ASPH: variants seen among roughly 807,000 people sequenced by gnomAD.
The protein encoded by ASPH is aspartyl/asparaginyl beta-hydroxylase.
ASPH carries 100 observed loss-of-function variants against 118.4 expected under a neutral mutation model. The ratio of observed to expected loss-of-function variants is 0.84; its 90% CI spans 0.72 to 1.00. ASPH has a LOEUF of 1.00. Among genes scored for constraint, ASPH ranks in the 50% least tolerant of loss-of-function variants. ASPH has a pLI of 0.00. For missense variants in ASPH, 920 were observed against 919.5 expected (o/e 1.00, Z -0.01); for synonymous variants, 315 against 325.6 (o/e 0.97, Z 0.35).
At chr8:61,664,817 G>T in intron 3 of ASPH, 1 of 988,464 alleles carries the variant, frequency 1.0e-6, no homozygotes. Flanking sequence ...AAACAGGGAA[G>T]CAGGAAGGGG....
rs1337382689 is a variant in ASPH at position 61,502,216 on chromosome 8, C to T, written c.*1143G>A. 1 of 152,134 alleles carries T rather than the reference C, an allele frequency of 6.6e-6. No individual in the cohort carries two copies. Among genetic ancestry groups the T allele is most frequent in the Admixed American group, 6.6e-5 (1 of 15,248 alleles). The allele number at this position is 152,134 out of a possible 1,614,324, so 9.4% of individuals were successfully genotyped here. A position where few individuals can be genotyped will look rare whatever the true frequency, so the allele number is the denominator to read the frequency against. On this transcript the variant is annotated 3_prime_UTR_variant, in exon 25 of 25. Coordinates refer to ENST00000379454, the MANE Select transcript of ASPH (RefSeq NM_004318.4). ...TTAAAATGGCAGAGATTTCTCAAGC[C>T]AGAGAGATGGGACAGTCTTCCAAAC... is the stretch of plus-strand genomic sequence containing the variant.
rs371692559 is a variant in ASPH at position 61,684,114 on chromosome 8, C to G, written c.178G>C (p.Val60Leu). ...GTCCAGACGCCCAGCAATGCAATCACCATAAACCACGTGAAGAATGAAGTT... is the reference window on the plus strand; with the variant it reads ...GTCCAGACGCCCAGCAATGCAATCAGCATAAACCACGTGAAGAATGAAGTT... ...SGTSFFTWFM[V>L]IALLGVWTSV... The change falls in exon 2 of 25, where the codon GTG becomes CTG. Residue 60 changes from valine (V) to leucine (L), a missense_variant. By Grantham distance (32) the Val-to-Leu change is conservative. Transcript: ENST00000379454. 1 of 1,613,752 alleles carries G rather than the reference C, an allele frequency of 6.2e-7. No homozygotes were observed.
intron 4 of ASPH, chr8:61,651,581 G>C (rs1332516744): frequency 6.5e-6 from 1 of 154,130 alleles, no homozygotes; most frequent in East Asian, 1.9e-4. Flanking sequence ...TTCCCTGAGA[G>C]GAGAAAGGGC....
Position 61,539,699 on chromosome 8 carries a change from G to GGGGTGTGTGTGTGTGTGTGTGTGTGT in ASPH, c.1764+8371_1764+8372insACACACACACACACACACACACACCC, listed in dbSNP as rs1554618405. Reference sequence around the variant, plus strand: ...TGTGATGGTCACCTAACACTTCTGGGGTGTGTGTGTGTGTGTGTGTGTGTG... The same window carrying GGGGTGTGTGTGTGTGTGTGTGTGTGT: ...TGTGATGGTCACCTAACACTTCTGGGGGGTGTGTGTGTGTGTGTGTGTGTGTGTGTGTGTGTGTGTGTGTGTGTGTG... On this transcript the variant is annotated intron_variant, in intron 21 of 24. Transcript: ENST00000379454. Among the ~76,000 whole-genome samples, 84 of 124,292 alleles carry GGGGTGTGTGTGTGTGTGTGTGTGTGT rather than the reference G, an allele frequency of 6.8e-4. 1 individual carries two copies. Among genetic ancestry groups the GGGGTGTGTGTGTGTGTGTGTGTGTGT allele is most frequent in the East Asian group, 2.1e-3 (9 of 4,284 alleles). The allele number at this position is 124,292 out of a possible 152,430, so 81.5% of individuals were successfully genotyped here.
At chr8:61,690,372 G>A (rs1832268925) in intron 1 of ASPH, among the ~76,000 whole-genome samples, 1 of 152,142 alleles carries the variant, frequency 6.6e-6, no homozygotes, top group Admixed American at 6.5e-5. Flanking sequence ...AGGACTGGTG[G>A]GAAGGAAAGA....
At chr8:61,597,196 G>GAAAAA (rs34291472) in intron 14 of ASPH, among the ~76,000 whole-genome samples, 4 of 112,798 alleles carry the variant, frequency 3.5e-5, no homozygotes, top group Admixed American at 9.5e-5. Context: ...ATCCAGTCAG[G>GAAAAA]AAAAAAAAAA....
intron 20 of ASPH, among the ~76,000 whole-genome samples, chr8:61,548,667 A>G (rs1399129222): frequency 6.6e-6 from 1 of 152,190 alleles, no homozygotes; most frequent in Non-Finnish European, 1.5e-5. Flanking sequence ...TTTCACATGT[A>G]CTTTCCATGT....
intron 3 of ASPH, chr8:61,661,359 A>T (rs909521464): frequency 1.3e-5 from 2 of 152,234 alleles, no homozygotes; most frequent in Non-Finnish European, 2.9e-5. Context: ...CTGAATGCCC[A>T]ACCATGTGCT....
intron 14 of ASPH, among the ~76,000 whole-genome samples, chr8:61,588,346 A>T (rs1563931367): frequency 6.6e-6 from 1 of 152,248 alleles, no homozygotes; most frequent in Non-Finnish European, 1.5e-5. Flanking sequence ...GGATAGCTGA[A>T]GGCAGGAGGA....
chr8:61,653,020 A>G (rs1811842263), intron 4 of ASPH, among the ~76,000 whole-genome samples: 1 of 152,220 alleles, frequency 6.6e-6, no homozygotes, highest in African/African-American at 2.4e-5. Flanking sequence ...TAACTTATTA[A>G]AATATTTCAC....
chr8:61,674,926 C>T (rs1266830262), intron 3 of ASPH, among the ~76,000 whole-genome samples: 1 of 152,148 alleles, frequency 6.6e-6, no homozygotes, highest in African/African-American at 2.4e-5. Context: ...AGATTTAAAA[C>T]CACGGAACAT....
intron 1 of ASPH, among the ~76,000 whole-genome samples, chr8:61,704,304 C>T (rs970765236): frequency 5.5e-5 from 8 of 146,570 alleles, no homozygotes; most frequent in African/African-American, 1.5e-4. Flanking sequence ...AAAAGCAATC[C>T]AATAATGAAA....
chr8:61,530,029 A>AGAGAGG (rs1030459017), intron 21 of ASPH, among the ~76,000 whole-genome samples: 1 of 152,222 alleles, frequency 6.6e-6, no homozygotes, highest in Non-Finnish European at 1.5e-5. Context: ...TGTGTGCAGA[A>AGAGAGG]GAGAGGGAGA....
chr8:61,503,353 T>G lies in ASPH; in HGVS notation c.*6A>C. ...CCAGAGTTTCCCAAGCTTGCATGAA[T>G]TCATGCTAAATTGCTGGAAGGCTGC... On this transcript the variant is annotated 3_prime_UTR_variant, in exon 25 of 25. Transcript: ENST00000379454. The G allele has an allele frequency of 6.2e-7, 1 of 1,601,056 alleles. No individual in the cohort carries two copies. The highest frequency in any genetic ancestry group is 8.5e-7 in the Non-Finnish European group (1 of 1,171,908).
At chr8:61,639,220 T>C (rs143121945) in intron 10 of ASPH, among the ~76,000 whole-genome samples, 3 of 152,240 alleles carry the variant, frequency 2.0e-5, no homozygotes, top group Non-Finnish European at 4.4e-5. Context: ...AAAAATGCAA[T>C]ACCACTCTTT....
At position 61,651,006 on chromosome 8, in the gene ASPH, G is replaced by A. The variant is rs200385782; in HGVS notation, c.490+44C>T. On this transcript the variant is annotated intron_variant, in intron 5 of 24. Transcript: ENST00000379454. ...TCCAAGTCATTTTACATAACTAAGC[G>A]TTATTTTAGTAACTCAAAACAAAGA... 2.7e-5 allele frequency: 42 copies of A among 1,529,876 alleles called. 1 individual carries two copies. Among genetic ancestry groups the A allele is most frequent in the South Asian group, 1.3e-4 (11 of 84,616 alleles). 94.8% of individuals were successfully genotyped at this position (1,529,876 alleles called of 1,614,324 possible). A position where few individuals can be genotyped will look rare whatever the true frequency, so the allele number is the denominator to read the frequency against.
intron 24 of ASPH, among the ~76,000 whole-genome samples, chr8:61,507,606 C>A (rs1156800554): frequency 6.6e-6 from 1 of 152,130 alleles, no homozygotes; most frequent in African/African-American, 2.4e-5. Flanking sequence ...AAGCCATGTC[C>A]AGACTTAAGT....
At chr8:61,670,098 C>G (rs375603809) in intron 3 of ASPH, among the ~76,000 whole-genome samples, 4 of 151,476 alleles carry the variant, frequency 2.6e-5, no homozygotes, top group Non-Finnish European at 5.9e-5. Flanking sequence ...TAAAAAGGAC[C>G]AAGCTAATAA....
chr8:61,522,547 G>A (rs2129621278), intron 22 of ASPH, among the ~76,000 whole-genome samples: 2 of 152,258 alleles, frequency 1.3e-5, no homozygotes, highest in Middle Eastern at 3.4e-3. Context: ...GAGGGACCAG[G>A]TGGAGATAAC....
Sources: gnomAD v4.1 joint callset for allele counts (sites outside exome capture counted in the v4.1 genomes callset) on GRCh38, gnomAD v4.1.1 for gene constraint, MANE v1.5 for transcripts, NCBI Gene and HGNC (gene_info 2026-07-23, HGNC 2026-07-21) for gene names.